The following SHROOM2 variants were observed in gnomAD, a reference collection of about 807,000 sequenced individuals.
The protein encoded by SHROOM2 is shroom family member 2, also known as protein Shroom2.
In SHROOM2, 33 loss-of-function variants were observed where a neutral mutation model predicts 75.9. The observed-to-expected ratio is 0.43, with a 90% CI of 0.33 to 0.58. The LOEUF is 0.58. SHROOM2 is among the 20% of genes least tolerant of loss of function. The probability of loss-of-function intolerance (pLI) is 0.04; values close to 1 mark genes in which losing one functional copy is unlikely to be tolerated. For synonymous variants in SHROOM2, 655 were observed against 663.6 expected (o/e 0.99, Z 0.20); for missense variants, 1,434 against 1,461.2 (o/e 0.98, Z 0.30).
In SHROOM2 at chrX:9,786,537, G is replaced by A. The variant is rs1475279177; in HGVS notation, c.-9G>A. ...TGGGCGCGGGCCAGGGACGCTGAGC[G>A]GTCGCGCCATGGAGGGCGCCGAGCC... On this transcript the variant is annotated 5_prime_UTR_variant, in exon 1 of 10. Transcript: ENST00000380913. 24 of 846,214 alleles carry A rather than the reference G, an allele frequency of 2.8e-5. No individual in the cohort carries two copies. Among genetic ancestry groups the A allele is most frequent in the Non-Finnish European group, 3.3e-5 (23 of 698,273 alleles). 69.7% of individuals were successfully genotyped at this position (846,214 alleles called of 1,213,427 possible).
At chrX:9,893,051 TA>T (rs199780404) in intron 3 of SHROOM2, among the ~76,000 whole-genome samples, 3 of 112,022 alleles carry the variant, frequency 2.7e-5, no homozygotes, top group East Asian at 5.6e-4. Context: ...AATAACTCTG[TA>T]GGGTATAACC....
chrX:9,809,306 G>C lies in SHROOM2; in HGVS notation c.165+22596G>C, dbSNP rs886193482. Among the ~76,000 whole-genome samples the C allele has an allele frequency of 5.4e-5, 6 of 111,228 alleles. No individual in the cohort carries two copies. In the Admixed American group the frequency reaches 5.8e-4, roughly 11 times the overall value. ...CAGCACGGGAGAAAGATGTAGGCTA[G>C]ACCAGTCTCTCCTTTTCACGCCTTT... On this transcript the variant is annotated intron_variant, in intron 1 of 9. Coordinates refer to ENST00000380913, the MANE Select transcript of SHROOM2 (RefSeq NM_001649.4).
At chrX:9,942,393 G>A (rs769389085) in intron 8 of SHROOM2, among the ~76,000 whole-genome samples, 2 of 111,189 alleles carry the variant, frequency 1.8e-5, no homozygotes, top group South Asian at 7.6e-4. Flanking sequence ...CAAATTGGAG[G>A]TAGCGTCTCA....
At chrX:9,878,867 G>A (rs1432748862) in intron 2 of SHROOM2, among the ~76,000 whole-genome samples, 1 of 111,283 alleles carries the variant, frequency 9.0e-6, no homozygotes, top group African/African-American at 3.3e-5. Flanking sequence ...GCTGTCTGAT[G>A]TCTTTGTCTG....
intron 5 of SHROOM2, among the ~76,000 whole-genome samples, chrX:9,898,734 A>G (rs755991072): frequency 8.9e-6 from 1 of 112,094 alleles, no homozygotes; most frequent in Admixed American, 9.4e-5. Flanking sequence ...ATTGTTAGTA[A>G]GAAAGGAACA....
chrX:9,917,532 G>GTTT (rs762879752), intron 5 of SHROOM2, among the ~76,000 whole-genome samples: 8 of 110,214 alleles, frequency 7.3e-5, no homozygotes, highest in African/African-American at 2.6e-4. Context: ...TGTTGTTGTT[G>GTTT]TTTTTTGAGA....
Position 9,932,450 on chromosome X carries a change from T to C in SHROOM2, c.3167T>C (p.Leu1056Pro). 1 of 1,206,854 alleles carries C rather than the reference T, an allele frequency of 8.3e-7. No individual in the cohort carries two copies. The highest frequency in any genetic ancestry group is 1.1e-6 in the Non-Finnish European group (1 of 892,756). ...QDSWPVSSALLSKRPAPQRPP... is the reference protein window; with the variant it reads ...QDSWPVSSALPSKRPAPQRPP... ...TCGTGGCCAGTGAGCTCAGCCCTGC[T>C]CTCCAAGAGGCCAGCCCCACAGAGG... Residue 1056 changes from leucine to proline, a missense_variant, in exon 6 of 10, where the codon CTC becomes CCC. Transcript: ENST00000380913.
chrX:9,940,718 G>A (rs149117561), intron 8 of SHROOM2, among the ~76,000 whole-genome samples: 3,951 of 112,455 alleles, frequency 0.035, 160 homozygotes, highest in African/African-American at 0.12. Context: ...GTGCACAGGC[G>A]GAGGCGTGTT....
intron 1 of SHROOM2, among the ~76,000 whole-genome samples, chrX:9,789,918 G>A (rs1335186917): frequency 1.8e-5 from 2 of 112,056 alleles, no homozygotes; most frequent in Non-Finnish European, 3.8e-5. Context: ...GTTGCCATTG[G>A]GCACCAGAGC....
At chrX:9,789,044 C>T (rs1390144560) in intron 1 of SHROOM2, among the ~76,000 whole-genome samples, 2 of 111,884 alleles carry the variant, frequency 1.8e-5, no homozygotes, top group Non-Finnish European at 3.8e-5. Flanking sequence ...GTTTAGAGGC[C>T]TCTGGCATTG....
chrX:9,936,704 A>G (rs989569462), intron 6 of SHROOM2, among the ~76,000 whole-genome samples: 15 of 112,108 alleles, frequency 1.3e-4, no homozygotes, highest in Non-Finnish European at 2.3e-4. Flanking sequence ...GCGGGCCTGC[A>G]CCAACCTAAG....
rs1425689736 is a variant in SHROOM2 at position 9,895,216 on chromosome X, C to T, written c.1308C>T (p.Ser436=). The change falls in exon 4 of 10, where the codon AGC becomes AGT. Residue 436 remains serine, a synonymous_variant. Transcript: ENST00000380913. ...ACCCTCCCCTATACAGCGACCACAG[C>T]CCCCTCTGTGCTGACAGCCTTGGGC... ...GRHPPLYSDH[S]PLCADSLGQE... is the part of the protein sequence containing the mutation. The T allele has an allele frequency of 2.5e-6, 3 of 1,207,218 alleles. No individual in the cohort carries two copies. Among genetic ancestry groups the T allele is most frequent in the Non-Finnish European group, 1.1e-6 (1 of 893,306 alleles).
chrX:9,888,990 T>G (rs2084276006), intron 2 of SHROOM2, among the ~76,000 whole-genome samples: 2 of 111,939 alleles, frequency 1.8e-5, no homozygotes. Flanking sequence ...CTAGTTTATT[T>G]TCTTCATTAA....
intron 1 of SHROOM2, among the ~76,000 whole-genome samples, chrX:9,792,025 A>G (rs1335769732): frequency 0.02 from 1 of 49 alleles, no homozygotes; most frequent in Non-Finnish European, 0.053. Flanking sequence ...AGAATAGAAT[A>G]GAATAGAATA....
chrX:9,902,709 G>A (rs1362586549), intron 5 of SHROOM2, among the ~76,000 whole-genome samples: 7 of 112,034 alleles, frequency 6.2e-5, no homozygotes, highest in African/African-American at 1.3e-4. Context: ...ACATTTGTTC[G>A]TTGCTCCTCA....
At chrX:9,887,074 G>A (rs186928361) in intron 2 of SHROOM2, among the ~76,000 whole-genome samples, 1 of 112,455 alleles carries the variant, frequency 8.9e-6, no homozygotes, top group East Asian at 2.8e-4. Flanking sequence ...TGTGGTCACT[G>A]CCTTATTCAT....
chrX:9,889,094 G>C (rs189354598), intron 2 of SHROOM2, among the ~76,000 whole-genome samples: 6 of 111,956 alleles, frequency 5.4e-5, no homozygotes, highest in East Asian at 5.6e-4. Context: ...CCTTCCTTAC[G>C]AGGATTTTGA....
chrX:9,947,235 C>T lies in SHROOM2; in HGVS notation c.*298C>T, dbSNP rs1035362241. The T allele has an allele frequency of 1.3e-5, 4 of 306,881 alleles. No individual in the cohort carries two copies. Among genetic ancestry groups the T allele is most frequent in the African/African-American group, 2.7e-5 (1 of 37,286 alleles). The allele number at this position is 306,881 out of a possible 1,213,427, so 25.3% of individuals were successfully genotyped here. A position where few individuals can be genotyped will look rare whatever the true frequency, so the allele number is the denominator to read the frequency against. ...TGTGGGCTGGGCCTGTGGTGCCTGC[C>T]GAGTGGTCACTGTCAGTGGGAAACC... On this transcript the variant is annotated 3_prime_UTR_variant, in exon 10 of 10. Transcript: ENST00000380913.
At chrX:9,919,667 C>T (rs2084524919) in intron 5 of SHROOM2, among the ~76,000 whole-genome samples, 3 of 110,571 alleles carry the variant, frequency 2.7e-5, no homozygotes, top group Non-Finnish European at 1.9e-5. Flanking sequence ...GAATGGCTTC[C>T]TTGGGGAGGG....
Sources: allele counts gnomAD v4.1 joint callset (sites outside exome capture counted in the v4.1 genomes callset), GRCh38; gene constraint gnomAD v4.1.1; transcripts MANE v1.5; gene names NCBI Gene and HGNC (gene_info 2026-07-23, HGNC 2026-07-21).